FBXL7: variants seen among roughly 807,000 people sequenced by gnomAD.
FBXL7 encodes the protein F-box/LRR-repeat protein 7.
A neutral mutation model predicts 38.3 loss-of-function variants in FBXL7; 12 were observed. The ratio of observed to expected loss-of-function variants is 0.31; its 90% CI spans 0.20 to 0.51. FBXL7 has a LOEUF of 0.51. Among genes scored for constraint, FBXL7 ranks in the 20% least tolerant of loss-of-function variants. FBXL7 has a pLI of 0.98. For synonymous variants in FBXL7, 297 were observed against 300.9 expected, an observed-to-expected ratio of 0.99 and a Z score of 0.13; for missense variants, 567 against 676.4, an observed-to-expected ratio of 0.84 and a Z score of 1.79.
At chr5:15,634,193 A>G (rs965536252) in intron 2 of FBXL7, among the ~76,000 whole-genome samples, 1 of 152,126 alleles carries the variant, frequency 6.6e-6, no homozygotes, top group African/African-American at 2.4e-5. Flanking sequence ...ATGAACAGGA[A>G]TTAGCAAGGT....
intron 3 of FBXL7, chr5:15,935,102 A>G: frequency 1.9e-6 from 1 of 527,974 alleles, no homozygotes; most frequent in Admixed American, 1.9e-5. Flanking sequence ...GCTGGAGAGC[A>G]TTTGTGGTGT....
Position 15,857,511 on chromosome 5 carries a change from T to C in FBXL7, c.128-70379T>C, listed in dbSNP as rs181389674. On this transcript the variant is annotated intron_variant, in intron 2 of 3. Coordinates refer to ENST00000504595, the MANE Select transcript of FBXL7 (RefSeq NM_012304.5). ...GTCCATGCTCTTCACTTGCATGCTA[T>C]ATTTCTATGTTTTACTTATTTTCTA... 2.0e-4 allele frequency among the ~76,000 whole-genome samples: 30 copies of C among 152,324 alleles called. No individual in the cohort carries two copies. The East Asian group carries it at 5.6e-3, about 28-fold the overall frequency.
Position 15,928,774 on chromosome 5 carries a change from A to G in FBXL7, c.739+273A>G, listed in dbSNP as rs1054472007. On this transcript the variant is annotated intron_variant, in intron 3 of 3. Coordinates refer to ENST00000504595, the MANE Select transcript of FBXL7 (RefSeq NM_012304.5). The surrounding 1 kb of genome is among the most constrained non-coding windows in gnomAD (Gnocchi z 4.0). ...CATGTGCACAACGTGCAGGTTAGTT[A>G]CATATGTATACATGTGCCATGTTGG... Among the ~76,000 whole-genome samples the G allele has an allele frequency of 5.9e-5, 9 of 152,270 alleles. No homozygotes were observed. The East Asian group carries it at 1.4e-3, about 23-fold the overall frequency.
intron 2 of FBXL7, 96 bp from the exon 3 acceptor site, chr5:15,927,794 G>GT: frequency 1.7e-6 from 1 of 603,192 alleles, no homozygotes; most frequent in South Asian, 5.6e-5. Context: ...AAAAGAAGAA[G>GT]AAAGAAAAGA....
At chr5:15,551,858 C>T (rs964795672) in intron 1 of FBXL7, among the ~76,000 whole-genome samples, 1 of 152,208 alleles carries the variant, frequency 6.6e-6, no homozygotes, top group Non-Finnish European at 1.5e-5. Context: ...TTACTCTTGA[C>T]TTATGTCTCT....
chr5:15,626,769 C>A (rs548200387), intron 2 of FBXL7, among the ~76,000 whole-genome samples: 1 of 152,254 alleles, frequency 6.6e-6, no homozygotes, highest in South Asian at 2.1e-4. Flanking sequence ...AAAAACTAAT[C>A]ATTGTATTTC....
chr5:15,928,451 T>C lies in FBXL7; in HGVS notation c.689T>C (p.Val230Ala). 7 of 1,613,970 alleles carry C rather than the reference T, an allele frequency of 4.3e-6. No homozygotes were observed. The highest frequency in any genetic ancestry group is 5.9e-6 in the Non-Finnish European group (7 of 1,179,866). Reference protein sequence around the residue: ...SGCYNISNEAVFDVVSLCPNL... With the variant: ...SGCYNISNEAAFDVVSLCPNL... ...TGTTACAATATCTCCAACGAGGCCGTCTTTGATGTGGTGTCCCTCTGCCCT... is the reference window on the plus strand; with the variant it reads ...TGTTACAATATCTCCAACGAGGCCGCCTTTGATGTGGTGTCCCTCTGCCCT... The change falls in exon 3 of 4, where the codon GTC (valine) becomes GCC (alanine). Residue 230 changes from valine (V) to alanine (A), a missense_variant. Val to Ala is a moderately conservative substitution (Grantham distance 64). Transcript: ENST00000504595. This position sits in a 1 kb window ranked among gnomAD's most constrained non-coding sequence, Gnocchi z 4.0.
chr5:15,739,812 T>G (rs776865850), intron 2 of FBXL7, among the ~76,000 whole-genome samples: 6 of 152,244 alleles, frequency 3.9e-5, no homozygotes, highest in Non-Finnish European at 7.3e-5. Flanking sequence ...TTTTTTGGCT[T>G]TAATGAGTAT....
chr5:15,716,646 T>C (rs1744050296), intron 2 of FBXL7, among the ~76,000 whole-genome samples: 1 of 152,188 alleles, frequency 6.6e-6, no homozygotes, highest in South Asian at 2.1e-4. Flanking sequence ...AGTTCTAGCA[T>C]TGACATGATT....
At chr5:15,761,756 G>A (rs965573372) in intron 2 of FBXL7, among the ~76,000 whole-genome samples, 1 of 152,090 alleles carries the variant, frequency 6.6e-6, no homozygotes, top group South Asian at 2.1e-4. Context: ...TTTTGCCCAG[G>A]CTGGGTCTCA....
intron 1 of FBXL7, among the ~76,000 whole-genome samples, chr5:15,547,871 A>G (rs1310859569): frequency 6.6e-6 from 1 of 152,124 alleles, no homozygotes; most frequent in African/African-American, 2.4e-5. Context: ...TACCTGGAGG[A>G]TTGTCCTTTG....
At chr5:15,687,380 C>G (rs750527946) in intron 2 of FBXL7, among the ~76,000 whole-genome samples, 11 of 152,244 alleles carry the variant, frequency 7.2e-5, no homozygotes, top group Middle Eastern at 6.8e-3. Flanking sequence ...GAGGTGGGAG[C>G]CTTTTGAGCT....
intron 2 of FBXL7, among the ~76,000 whole-genome samples, chr5:15,777,399 A>G (rs1385018734): frequency 6.6e-6 from 1 of 152,062 alleles, no homozygotes; most frequent in Non-Finnish European, 1.5e-5. Context: ...TAATATATGG[A>G]TAACGTATTC....
At chr5:15,818,529 T>C (rs1402094023) in intron 2 of FBXL7, among the ~76,000 whole-genome samples, 3 of 152,132 alleles carry the variant, frequency 2.0e-5, no homozygotes, top group Non-Finnish European at 4.4e-5. Context: ...TTAAGTGATA[T>C]AGAAAAAATA....
chr5:15,637,530 A>G (rs1329658202), intron 2 of FBXL7, among the ~76,000 whole-genome samples: 1 of 152,264 alleles, frequency 6.6e-6, no homozygotes, highest in African/African-American at 2.4e-5. Context: ...AACTGTCTTC[A>G]GTTCTTTCAA....
intron 2 of FBXL7, among the ~76,000 whole-genome samples, chr5:15,705,854 A>G (rs970916140): frequency 1.3e-5 from 2 of 152,202 alleles, no homozygotes; most frequent in African/African-American, 4.8e-5. Flanking sequence ...AAATAAATAA[A>G]TAAATAAATT....
At chr5:15,532,855 G>A (rs1295063112) in intron 1 of FBXL7, among the ~76,000 whole-genome samples, 1 of 152,208 alleles carries the variant, frequency 6.6e-6, no homozygotes, top group African/African-American at 2.4e-5. Flanking sequence ...AGAACCACTG[G>A]GGCTTCACAT....
chr5:15,601,436 AC>A (rs1313018412), intron 1 of FBXL7, among the ~76,000 whole-genome samples: 1 of 152,198 alleles, frequency 6.6e-6, no homozygotes, highest in East Asian at 1.9e-4. Context: ...GCTGTGAAGC[AC>A]CATCTGTCAG....
chr5:15,647,281 T>C (rs751603732), intron 2 of FBXL7, among the ~76,000 whole-genome samples: 2 of 152,238 alleles, frequency 1.3e-5, no homozygotes, highest in Non-Finnish European at 2.9e-5. Context: ...ATTTCTAATG[T>C]GGTAAGTAAG....
Sources: allele counts gnomAD v4.1 joint callset (sites outside exome capture counted in the v4.1 genomes callset), GRCh38; gene constraint gnomAD v4.1.1; non-coding constraint Gnocchi (gnomAD v3.1); transcripts MANE v1.5; gene names NCBI Gene and HGNC (gene_info 2026-07-23, HGNC 2026-07-21).